Variants in GPAM observed in about 807,000 individuals in gnomAD.
The protein encoded by GPAM is glycerol-3-phosphate acyltransferase 1, mitochondrial.
GPAM carries 56 observed loss-of-function variants against 105.0 expected under a neutral mutation model. The ratio of observed to expected loss-of-function variants is 0.53; its 90% CI spans 0.43 to 0.67. The LOEUF is 0.67. Ranked by LOEUF, GPAM falls within the 30% of genes least tolerant of loss-of-function variation. GPAM has a pLI of 0.00. For synonymous variants in GPAM, 368 were observed against 354.4 expected (o/e 1.04, Z -0.43); for missense variants, 855 against 989.8 (o/e 0.86, Z 1.83).
chr10:112,175,475 G>A, intron 6 of GPAM, 125 bp downstream of exon 6: 1 of 709,274 alleles, frequency 1.4e-6, no homozygotes, highest in Non-Finnish European at 2.6e-6. Context: ...TTAATGTTTG[G>A]AAATGTGAAC....
In GPAM at chr10:112,150,859, T is replaced by C. The variant is rs1244288023; in HGVS notation, c.*2691A>G. On this transcript the variant is annotated 3_prime_UTR_variant, in exon 22 of 22. Transcript: ENST00000348367. ...TTTCCCCATCCAGGTTACTGGCAAT[T>C]CCACAATTTGGGCTTACATTCATTG... The C allele has an allele frequency of 2.0e-6, 2 of 984,858 alleles. No homozygotes were observed. The allele number at this position is 984,858 out of a possible 1,614,324, so 61.0% of individuals were successfully genotyped here.
At position 112,157,405 on chromosome 10, in the gene GPAM, G is replaced by T; in HGVS notation, c.1981-16C>A. The T allele has an allele frequency of 6.2e-7, 1 of 1,612,548 alleles. No individual in the cohort carries two copies. The highest frequency in any genetic ancestry group is 8.5e-7 in the Non-Finnish European group (1 of 1,178,798). The stretch of plus-strand genomic sequence containing the variant: ...GGTCATCGTGCTAGGCCAAGGAGAT[G>T]ATGGATAGTAAATAAATATGCACTG... On this transcript the variant is annotated splice_polypyrimidine_tract_variant and intron_variant, in intron 18 of 21. Transcript: ENST00000348367.
rs1312206205 is a variant in GPAM, at chr10:112,168,506, G to A, written c.913C>T (p.Arg305Ter). 7 of 1,607,700 alleles carry A rather than the reference G, an allele frequency of 4.4e-6. No homozygotes were observed. Among genetic ancestry groups the A allele is most frequent in the Non-Finnish European group, 6.0e-6 (7 of 1,174,222 alleles). The change falls in exon 11 of 22, where the codon CGA becomes TGA. Residue 305 changes from arginine (R) to a stop codon, truncating the protein, a stop_gained. Coordinates refer to ENST00000348367, the MANE Select transcript of GPAM (RefSeq NM_001244949.2). LOFTEE classifies it high-confidence loss of function. ...LLHGHIVELL[R>*]QQQFLEIFLE... is the part of the protein sequence containing the mutation. ...AAGATCTCCAAGAATTGCTGCTGTC[G>A]AAGTAATTCAACTATATGCTGGGAT...
chr10:112,181,832 A>G lies in GPAM; in HGVS notation c.-29-19T>C, dbSNP rs774686584. On this transcript the variant is annotated intron_variant, in intron 2 of 21. Transcript: ENST00000348367. ...TCATGTGCTATAAAAAATAGGTACCATTTAAATTAACAAGGAATCGAGAGA... is the reference window on the plus strand; with the variant it reads ...TCATGTGCTATAAAAAATAGGTACCGTTTAAATTAACAAGGAATCGAGAGA... The G allele has an allele frequency of 9.8e-7, 1 of 1,024,016 alleles. No individual in the cohort carries two copies. The highest frequency in any genetic ancestry group is 1.3e-5 in the South Asian group (1 of 79,176). The allele number at this position is 1,024,016 out of a possible 1,614,324, so 63.4% of individuals were successfully genotyped here. A position where few individuals can be genotyped will look rare whatever the true frequency, so the allele number is the denominator to read the frequency against.
At chr10:112,176,659 T>A (rs1847410604) in intron 5 of GPAM, among the ~76,000 whole-genome samples, 2 of 152,184 alleles carry the variant, frequency 1.3e-5, no homozygotes, top group Admixed American at 6.5e-5. Context: ...AAACTCCTCC[T>A]TCAGTCAACA....
rs368091457 is a variant in GPAM, at chr10:112,213,833, C to G, written n.210+1335G>C. The stretch of plus-strand genomic sequence containing the variant: ...GTAGAGAAGGATGAGAAAAGAGGCC[C>G]AAGAGGCACACAGGATCCAGACTAT... On this transcript the variant is annotated intron_variant and non_coding_transcript_variant, in intron 1 of 3. Transcript: ENST00000480130. Among the ~76,000 whole-genome samples, 100 of 152,166 alleles carry G rather than the reference C, an allele frequency of 6.6e-4. 1 individual carries two copies. Among genetic ancestry groups the G allele is most frequent in the Middle Eastern group, 3.4e-3 (1 of 294 alleles).
At chr10:112,183,140 G>C (rs1486842215) in intron 1 of GPAM, among the ~76,000 whole-genome samples, 2 of 152,232 alleles carry the variant, frequency 1.3e-5, no homozygotes, top group Non-Finnish European at 2.9e-5. Flanking sequence ...CCATCTGTGT[G>C]ATTTTTTATT....
Position 112,160,083 on chromosome 10 carries a change from C to G in GPAM, c.1760-30G>C, listed in dbSNP as rs758172572. ...GAAAAGAAAAGCAACAATGAAGTTG[C>G]CAGCTCAAAGTCTCCAAGAAAAACT... On this transcript the variant is annotated intron_variant, in intron 16 of 21. Coordinates refer to ENST00000348367, the MANE Select transcript of GPAM (RefSeq NM_001244949.2). 3.1e-6 allele frequency: 5 copies of G among 1,612,360 alleles called. No homozygotes were observed. The Admixed American group carries it at 8.3e-5, about 27-fold the overall frequency.
chr10:112,185,812 T>C (rs1410394970), upstream of GPAM, among the ~76,000 whole-genome samples: 4 of 151,818 alleles, frequency 2.6e-5, no homozygotes, highest in Non-Finnish European at 1.5e-5. Flanking sequence ...CTTGAAAGCA[T>C]TGTGATAGAA....
At chr10:112,181,569 G>A (rs796845021) in intron 3 of GPAM, 114 bp downstream of exon 3, 1 of 728,464 alleles carries the variant, frequency 1.4e-6, no homozygotes, top group African/African-American at 1.7e-5. Flanking sequence ...ACCAGTTTCT[G>A]TAGCTATTAA....
chr10:112,157,388 T>C lies in GPAM; in HGVS notation c.1982A>G (p.His661Arg). ...IQYGILTVAE[H>R]DDQEDISPSL... ...AGGACTGATATCTTCCTGGTCATCG[T>C]GCTAGGCCAAGGAGATGATGGATAG... Residue 661 changes from histidine to arginine, a missense_variant and splice_region_variant, in exon 19 of 22, where the codon CAC (histidine) becomes CGC (arginine). His to Arg is a conservative substitution (Grantham distance 29). Coordinates refer to ENST00000348367, the MANE Select transcript of GPAM (RefSeq NM_001244949.2). 6.2e-7 allele frequency: 1 copy of C among 1,613,834 alleles called. No homozygotes were observed. The highest frequency in any genetic ancestry group is 8.5e-7 in the Non-Finnish European group (1 of 1,179,742).
At chr10:112,199,944 C>T (rs1432364265) in intron 1 of GPAM, among the ~76,000 whole-genome samples, 2 of 151,886 alleles carry the variant, frequency 1.3e-5, no homozygotes, top group African/African-American at 4.8e-5. Flanking sequence ...GGGACACAGC[C>T]AAACCATATA....
At chr10:112,173,102 T>G (rs373919392) in intron 7 of GPAM, 36 bp from the exon 8 acceptor site, 6 of 1,147,256 alleles carry the variant, frequency 5.2e-6, no homozygotes, top group Non-Finnish European at 8.0e-6. Flanking sequence ...ACAACATAAA[T>G]GAACACACGT....
At chr10:112,195,268 A>G (rs1430387956) in intron 1 of GPAM, among the ~76,000 whole-genome samples, 2 of 152,184 alleles carry the variant, frequency 1.3e-5, no homozygotes, top group Non-Finnish European at 2.9e-5. Flanking sequence ...ATCCTTCCAT[A>G]TATTCCTTAC....
chr10:112,154,358 C>T, intron 21 of GPAM: 2 of 506,556 alleles, frequency 3.9e-6, no homozygotes, highest in Non-Finnish European at 7.1e-6. Context: ...CACCTTGAAA[C>T]ATATTGATAC....
intron 14 of GPAM, among the ~76,000 whole-genome samples, chr10:112,162,834 T>C (rs1265012954): frequency 6.6e-6 from 1 of 152,180 alleles, no homozygotes; most frequent in Non-Finnish European, 1.5e-5. Flanking sequence ...TTTTTAACAA[T>C]AAGGTATTAT....
intron 4 of GPAM, among the ~76,000 whole-genome samples, chr10:112,178,683 TCA>T (rs952820477): frequency 6.6e-6 from 1 of 152,188 alleles, no homozygotes; most frequent in African/African-American, 2.4e-5. Flanking sequence ...GTCAGAGATT[TCA>T]GTTTTCCCAA....
intron 1 of GPAM, among the ~76,000 whole-genome samples, chr10:112,193,819 G>C (rs951446694): frequency 6.6e-6 from 1 of 152,176 alleles, no homozygotes; most frequent in Non-Finnish European, 1.5e-5. Flanking sequence ...TCAGGGCTAG[G>C]CTGCGAAGAT....
intron 1 of GPAM, among the ~76,000 whole-genome samples, chr10:112,197,262 A>G (rs1003677416): frequency 6.6e-6 from 1 of 152,140 alleles, no homozygotes; most frequent in Non-Finnish European, 1.5e-5. Context: ...AAGCTCCACA[A>G]TGTTGTGGCA....
Sources: allele counts gnomAD v4.1 joint callset (sites outside exome capture counted in the v4.1 genomes callset), GRCh38; gene constraint gnomAD v4.1.1; transcripts MANE v1.5; gene names NCBI Gene and HGNC (gene_info 2026-07-23, HGNC 2026-07-21).